SLC23A1: variants seen among roughly 807,000 people sequenced by gnomAD.
SLC23A1 encodes the protein solute carrier family 23 member 1, also known as Na(+)/L-ascorbic acid transporter 1.
SLC23A1 carries 31 observed loss-of-function variants against 62.5 expected under a neutral mutation model. That is an observed-to-expected ratio of 0.50 (90% CI 0.37 to 0.67). The LOEUF (loss-of-function observed/expected upper bound fraction) is 0.67, where lower values mean the gene tolerates loss of function less well. Ranked by LOEUF, SLC23A1 falls within the 30% of genes least tolerant of loss-of-function variation. SLC23A1 has a pLI of 0.00. For missense variants in SLC23A1, 640 were observed against 782.7 expected, an observed-to-expected ratio of 0.82 and a Z score of 2.18; for synonymous variants, 271 against 313.2, an observed-to-expected ratio of 0.87 and a Z score of 1.42.
chr5:139,384,362 G>A (rs950936927), upstream of SLC23A1: 1 of 1,286,362 alleles, frequency 7.8e-7, no homozygotes, highest in Non-Finnish European at 1.0e-6. Flanking sequence ...ACCTACTTCT[G>A]GGTCGCTGTG....
chr5:139,382,198 G>A, intron 2 of SLC23A1, 149 bp from the exon 3 acceptor site: 1 of 746,058 alleles, frequency 1.3e-6, no homozygotes. Flanking sequence ...TTCCCAGAGA[G>A]CTACTGCTGA....
At chr5:139,381,455 A>T (rs1333203136) in intron 3 of SLC23A1, among the ~76,000 whole-genome samples, 2 of 151,968 alleles carry the variant, frequency 1.3e-5, no homozygotes, top group Non-Finnish European at 2.9e-5. Flanking sequence ...TTAGCCGGGC[A>T]TGGTGGCGCA....
At position 139,380,834 on chromosome 5, in the gene SLC23A1, T is replaced by C; in HGVS notation, c.361A>G (p.Ile121Val). 3 of 1,541,172 alleles carry C rather than the reference T, an allele frequency of 1.9e-6. No individual in the cohort carries two copies. The highest frequency in any genetic ancestry group is 1.4e-5 in the African/African-American group (1 of 69,428). Residue 121 changes from isoleucine to valine, a missense_variant, in exon 4 of 15, where the codon ATA becomes GTA. By Grantham distance (29) the Ile-to-Val change is conservative (BLOSUM62 3). Transcript: ENST00000348729. ...CATTTCCATCTCTCCAGAGCCAGTA[T>C]GGCTTTGGCTGGAACCAGAAATGCA... is the stretch of plus-strand genomic sequence containing the variant. ...AFAFLVPAKA[I>V]LALERWKCPP...
Position 139,383,254 on chromosome 5 carries a change from C to A in SLC23A1, c.-1G>T. On this transcript the variant is annotated 5_prime_UTR_variant, in exon 1 of 15. Transcript: ENST00000348729. Reference sequence around the variant, plus strand: ...CCTCGAGGTCCTCCTGGGCCCTCATCTTTGGGGCACAGGTTTGAGCAGTTC... The same window carrying A: ...CCTCGAGGTCCTCCTGGGCCCTCATATTTGGGGCACAGGTTTGAGCAGTTC... 2 of 1,593,512 alleles carry A rather than the reference C, an allele frequency of 1.3e-6. No individual in the cohort carries two copies. The highest frequency in any genetic ancestry group is 1.7e-5 in the Admixed American group (1 of 58,692).
chr5:139,381,022 T>C (rs1009778952), intron 3 of SLC23A1, 136 bp from the exon 4 acceptor site: 21 of 591,982 alleles, frequency 3.5e-5, no homozygotes, highest in Non-Finnish European at 5.5e-5. Flanking sequence ...ATGGAAATCG[T>C]TGAGGCCCCA....
rs370355692 is a variant in SLC23A1, at chr5:139,379,811, C to T, written c.792G>A (p.Val264=). 3 of 1,613,968 alleles carry T rather than the reference C, an allele frequency of 1.9e-6. No homozygotes were observed. Among genetic ancestry groups the T allele is most frequent in the Non-Finnish European group, 2.5e-6 (3 of 1,180,000 alleles). The change falls in exon 8 of 15, where the codon GTG becomes GTA. Residue 264 remains valine, a synonymous_variant. Transcript: ENST00000348729. This position sits in a 1 kb window ranked among gnomAD's most constrained non-coding sequence, Gnocchi z 4.7. ...MFPIMLAIMT[V]WLLCYVLTLT... ...AGGTCAGGACATAGCAGAGCAGCCA[C>T]ACGGTCATGATGGCCAGCATGATCT...
chr5:139,376,405 T>C (rs1757949234), intron 13 of SLC23A1, among the ~76,000 whole-genome samples: 2 of 152,140 alleles, frequency 1.3e-5, no homozygotes, highest in Non-Finnish European at 2.9e-5. Flanking sequence ...CCTGACCTCG[T>C]GATCCACCCG....
chr5:139,383,485 TGCGCCTGG>T (rs1758390491), upstream of SLC23A1: 1 of 667,620 alleles, frequency 1.5e-6, no homozygotes. Flanking sequence ...TGCCCACATC[TGCGCCTGG>T]GCGCTGGACC....
At position 139,379,855 on chromosome 5, in the gene SLC23A1, G is replaced by A. The variant is rs199708820; in HGVS notation, c.769-21C>T. ...ATGATCTGAAGGAGGGGGGTGAGGG[G>A]GCACTGAAGGCACTGGAGGTCTCTG... On this transcript the variant is annotated intron_variant, in intron 7 of 14. Transcript: ENST00000348729. The surrounding 1 kb of genome is among the most constrained non-coding windows in gnomAD (Gnocchi z 4.7). 98 of 1,614,000 alleles carry A rather than the reference G, an allele frequency of 6.1e-5. No homozygotes were observed. The East Asian group carries it at 1.2e-3, about 20-fold the overall frequency.
At chr5:139,382,185 G>A in intron 2 of SLC23A1, 136 bp from the exon 3 acceptor site, 1 of 829,192 alleles carries the variant, frequency 1.2e-6, no homozygotes, top group Non-Finnish European at 1.9e-6. Context: ...TCCCCACAAG[G>A]GATTCCCAGA....
chr5:139,379,844 G>C lies in SLC23A1; in HGVS notation c.769-10C>G. 6.2e-7 allele frequency: 1 copy of C among 1,614,152 alleles called. No individual in the cohort carries two copies. Among genetic ancestry groups the C allele is most frequent in the Non-Finnish European group, 8.5e-7 (1 of 1,179,998 alleles). ...TGATGGCCAGCATGATCTGAAGGAGGGGGGTGAGGGGGCACTGAAGGCACT... is the reference window on the plus strand; with the variant it reads ...TGATGGCCAGCATGATCTGAAGGAGCGGGGTGAGGGGGCACTGAAGGCACT... On this transcript the variant is annotated splice_polypyrimidine_tract_variant and intron_variant, in intron 7 of 14. Coordinates refer to ENST00000348729, the MANE Select transcript of SLC23A1 (RefSeq NM_005847.5). This position sits in a 1 kb window ranked among gnomAD's most constrained non-coding sequence, Gnocchi z 4.7.
intron 13 of SLC23A1, 42 bp downstream of exon 13, chr5:139,377,360 T>G (rs752815335): frequency 9.2e-7 from 1 of 1,083,250 alleles, no homozygotes. Flanking sequence ...AGTGCATGAG[T>G]CCAGCCTAGT....
Position 139,378,782 on chromosome 5 carries a change from G to T in SLC23A1, c.1074-98C>A. On this transcript the variant is annotated intron_variant, in intron 9 of 14. Transcript: ENST00000348729. This position sits in a 1 kb window ranked among gnomAD's most constrained non-coding sequence, Gnocchi z 4.5. ...GCTGCCGTCCTCTGGGGCTGTGGGG[G>T]CTGCAGCTATCAGCTGTAGCACTCC... 5 of 904,510 alleles carry T rather than the reference G, an allele frequency of 5.5e-6. No homozygotes were observed. The highest frequency in any genetic ancestry group is 7.1e-6 in the Non-Finnish European group (4 of 563,382). The allele number at this position is 904,510 out of a possible 1,614,324, so 56.0% of individuals were successfully genotyped here. A position where few individuals can be genotyped will look rare whatever the true frequency, so the allele number is the denominator to read the frequency against.
At chr5:139,383,397 G>A (rs1014495080), upstream of SLC23A1, 101 of 1,459,526 alleles carry the variant, frequency 6.9e-5, no homozygotes, top group Middle Eastern at 1.0e-3. Context: ...GCGAAAGGGG[G>A]GCCCGGGCAG....
At chr5:139,384,348 G>A (rs1399002007), upstream of SLC23A1, 1 of 1,281,526 alleles carries the variant, frequency 7.8e-7, no homozygotes, top group East Asian at 5.6e-5. Flanking sequence ...GCACTCTAGA[G>A]CCCACCTACT....
In SLC23A1 at chr5:139,379,009, C is replaced by T. The variant is rs1371452055; in HGVS notation, c.1073+198G>A. ...CAATGACGGTGGTTCCCTTTGGACT[C>T]CACCATCTTCTCAGCTACTCCCAGC... is the stretch of plus-strand genomic sequence containing the variant. On this transcript the variant is annotated intron_variant, in intron 9 of 14. Transcript: ENST00000348729. The surrounding 1 kb of genome is among the most constrained non-coding windows in gnomAD (Gnocchi z 4.7). Among the ~76,000 whole-genome samples the T allele has an allele frequency of 6.6e-6, 1 of 152,136 alleles. No individual in the cohort carries two copies. The highest frequency in any genetic ancestry group is 1.9e-4 in the East Asian group (1 of 5,192).
At chr5:139,375,090 C>T (rs1299166194) in intron 13 of SLC23A1, among the ~76,000 whole-genome samples, 1 of 152,236 alleles carries the variant, frequency 6.6e-6, no homozygotes, top group Non-Finnish European at 1.5e-5. Flanking sequence ...GAGACAGCCT[C>T]TGACACCTAT....
In SLC23A1 at chr5:139,378,976, A is replaced by T. The variant is rs914998106; in HGVS notation, c.1073+231T>A. Among the ~76,000 whole-genome samples, 7 of 152,168 alleles carry T rather than the reference A, an allele frequency of 4.6e-5. No homozygotes were observed. Among genetic ancestry groups the T allele is most frequent in the Non-Finnish European group, 7.3e-5 (5 of 68,032 alleles). On this transcript the variant is annotated intron_variant, in intron 9 of 14. Coordinates refer to ENST00000348729, the MANE Select transcript of SLC23A1 (RefSeq NM_005847.5). This position sits in a 1 kb window ranked among gnomAD's most constrained non-coding sequence, Gnocchi z 4.5. ...TGCACAGTCAGAGCCGGGCACATGGAGGGCTGTCAATGACGGTGGTTCCCT... is the reference window on the plus strand; with the variant it reads ...TGCACAGTCAGAGCCGGGCACATGGTGGGCTGTCAATGACGGTGGTTCCCT...
rs1255022959 is a variant in SLC23A1, at chr5:139,374,375, G to GA, written c.1550-2123dup. Among the ~76,000 whole-genome samples, 4 of 152,302 alleles carry GA rather than the reference G, an allele frequency of 2.6e-5. No individual in the cohort carries two copies. The East Asian group carries it at 7.7e-4, about 29-fold the overall frequency. ...AGGCAGGAGAATGGTGTGAACCTGG[G>GA]AGGCACAGCCAAGATTGCGCCACTG... On this transcript the variant is annotated intron_variant, in intron 13 of 14. Transcript: ENST00000348729.
Sources: gnomAD v4.1 joint callset for allele counts (sites outside exome capture counted in the v4.1 genomes callset) on GRCh38, gnomAD v4.1.1 for gene constraint, Gnocchi (gnomAD v3.1) non-coding constraint, MANE v1.5 for transcripts, NCBI Gene and HGNC (gene_info 2026-07-23, HGNC 2026-07-21) for gene names.